COL12A1: variants seen among roughly 807,000 people sequenced by gnomAD.
COL12A1 encodes the protein collagen alpha-1(XII) chain.
A neutral mutation model predicts 349.7 loss-of-function variants in COL12A1; 114 were observed. The observed-to-expected ratio is 0.33, with a 90% CI of 0.28 to 0.38. The LOEUF (loss-of-function observed/expected upper bound fraction) is 0.38, where lower values mean the gene tolerates loss of function less well. Ranked by LOEUF, COL12A1 falls within the 10% of genes least tolerant of loss-of-function variation. The pLI is 1.00. For missense variants in COL12A1, 3,284 were observed against 3,756.9 expected, an observed-to-expected ratio of 0.87 and a Z score of 3.29; for synonymous variants, 1,369 against 1,329.0, an observed-to-expected ratio of 1.03 and a Z score of -0.66.
Position 75,181,132 on chromosome 6 carries a change from T to G in COL12A1, c.1971A>C (p.Glu657Asp), listed in dbSNP as rs758146130. 296 of 1,613,890 alleles carry G rather than the reference T, an allele frequency of 1.8e-4. 2 individuals are homozygous for G. Among genetic ancestry groups the G allele is most frequent in the Middle Eastern group, 1.5e-3 (9 of 6,084 alleles). Reference protein sequence around the residue: ...GFKTNWSPAGENVFSYHITYK... With the variant: ...GFKTNWSPAGDNVFSYHITYK... The stretch of plus-strand genomic sequence containing the variant: ...AGGTGATGTGATATGAAAAAACATT[T>G]TCTCCAGCTGGAGACCAGTTGGTTT... Residue 657 changes from glutamate to aspartate, a missense_variant, in exon 11 of 66, where the codon GAA (glutamate) becomes GAC (aspartate). By Grantham distance (45) the Glu-to-Asp change is conservative (BLOSUM62 2). Coordinates refer to ENST00000322507, the MANE Select transcript of COL12A1 (RefSeq NM_004370.6).
At chr6:75,205,578 C>T (rs1490952513) in intron 1 of COL12A1, among the ~76,000 whole-genome samples, 199 bp downstream of exon 1, 1 of 152,170 alleles carries the variant, frequency 6.6e-6, no homozygotes, top group Admixed American at 6.5e-5. Flanking sequence ...CAACATTCCC[C>T]TCTCCCTCAA....
intron 21 of COL12A1, 22 bp downstream of exon 21, chr6:75,151,119 A>G: frequency 8.0e-7 from 1 of 1,255,486 alleles, no homozygotes; most frequent in Non-Finnish European, 1.0e-6. Context: ...GCTGAGGGAG[A>G]GAAACTCTGG....
At chr6:75,198,274 G>A (rs1335583968) in intron 2 of COL12A1, among the ~76,000 whole-genome samples, 2 of 152,074 alleles carry the variant, frequency 1.3e-5, no homozygotes, top group Non-Finnish European at 2.9e-5. Context: ...CAATGACCTT[G>A]AGCAGTAGGA....
In COL12A1 at chr6:75,189,830, A is replaced by C; in HGVS notation, c.395-15T>G. 1 of 1,607,422 alleles carries C rather than the reference A, an allele frequency of 6.2e-7. No homozygotes were observed. Among genetic ancestry groups the C allele is most frequent in the Non-Finnish European group, 8.5e-7 (1 of 1,175,922 alleles). On this transcript the variant is annotated splice_polypyrimidine_tract_variant and intron_variant, in intron 5 of 65. Coordinates refer to ENST00000322507, the MANE Select transcript of COL12A1 (RefSeq NM_004370.6). ...GACAGAGCATTCTGAAATACATTTG[A>C]TATCTTTTTAAATGATGCTTTATTA...
chr6:75,163,211 A>T (rs1768110128), intron 14 of COL12A1, among the ~76,000 whole-genome samples: 1 of 152,188 alleles, frequency 6.6e-6, no homozygotes. Context: ...ACACAAGCAC[A>T]CGTATGTTTA....
At chr6:75,105,078 A>G in intron 54 of COL12A1, 128 bp downstream of exon 54, 1 of 632,596 alleles carries the variant, frequency 1.6e-6, no homozygotes, top group Non-Finnish European at 2.7e-6. Context: ...GATGGTCTGC[A>G]ATTTAGCTTG....
At chr6:75,141,104 A>G (rs1458165412) in intron 27 of COL12A1, among the ~76,000 whole-genome samples, 1 of 152,124 alleles carries the variant, frequency 6.6e-6, no homozygotes, top group Non-Finnish European at 1.5e-5. Context: ...TCATCCATCT[A>G]TTTTTGCCTT....
chr6:75,095,645 AAAAAAAG>A (rs1216739709), intron 59 of COL12A1, among the ~76,000 whole-genome samples: 10 of 150,376 alleles, frequency 6.7e-5, no homozygotes, highest in African/African-American at 2.4e-4. Flanking sequence ...AAAAAAAAAA[AAAAAAAG>A]ATAACATGAA....
At chr6:75,118,257 T>G (rs1421092434) in intron 46 of COL12A1, among the ~76,000 whole-genome samples, 1 of 152,192 alleles carries the variant, frequency 6.6e-6, no homozygotes. Flanking sequence ...CAATACATTT[T>G]ATAAAAGATC....
At position 75,146,308 on chromosome 6, in the gene COL12A1, G is replaced by A; in HGVS notation, c.4418-64C>T. 3 of 1,469,720 alleles carry A rather than the reference G, an allele frequency of 2.0e-6. No individual in the cohort carries two copies. In the South Asian group the frequency reaches 4.4e-5, roughly 21 times the overall value. 91.0% of individuals were successfully genotyped at this position (1,469,720 alleles called of 1,614,324 possible). ...TTCATTCCACTCATTTTTAACCATT[G>A]TTTTGTACTCAATTATTGATATTTG... On this transcript the variant is annotated intron_variant, in intron 23 of 65. Transcript: ENST00000322507.
In COL12A1 at chr6:75,138,494, A is replaced by G. The variant is rs767349975; in HGVS notation, c.5184T>C (p.Tyr1728=). The part of the protein sequence containing the change: ...TIYEVSITAI[Y]PDESESDDLI... ...GGTCATCACTTTCTGACTCATCAGGATAGATGGCAGTAATGGAAACTTCAT... is the reference window on the plus strand; with the variant it reads ...GGTCATCACTTTCTGACTCATCAGGGTAGATGGCAGTAATGGAAACTTCAT... Residue 1728 remains tyrosine (Y), a synonymous_variant, in exon 29 of 66, where the codon TAT becomes TAC. Coordinates refer to ENST00000322507, the MANE Select transcript of COL12A1 (RefSeq NM_004370.6). 1.2e-5 allele frequency: 20 copies of G among 1,613,984 alleles called. No homozygotes were observed. The highest frequency in any genetic ancestry group is 4.5e-5 in the East Asian group (2 of 44,872).
chr6:75,161,916 A>G (rs960437162), intron 14 of COL12A1, among the ~76,000 whole-genome samples: 2 of 152,206 alleles, frequency 1.3e-5, no homozygotes, highest in African/African-American at 4.8e-5. Flanking sequence ...CTACAAAGAG[A>G]ATAAAATACC....
rs367586669 is a variant in COL12A1, at chr6:75,202,153, CCAT to C, written c.73+564_73+566del. Reference sequence around the variant, plus strand: ...GGGGTCCCGGATCTCCGCTTGCCTGCCATCATCCCCCAGGCTGCTTGGCTGCTG... The same window carrying C: ...GGGGTCCCGGATCTCCGCTTGCCTGCCATCCCCCAGGCTGCTTGGCTGCTG... On this transcript the variant is annotated intron_variant, in intron 2 of 65. Coordinates refer to ENST00000322507, the MANE Select transcript of COL12A1 (RefSeq NM_004370.6). 3.2e-4 allele frequency among the ~76,000 whole-genome samples: 48 copies of C among 152,360 alleles called. No homozygotes were observed. The East Asian group carries it at 9.1e-3, about 29-fold the overall frequency.
chr6:75,154,508 A>C lies in COL12A1; in HGVS notation c.3473T>G (p.Phe1158Cys). The C allele has an allele frequency of 6.2e-7, 1 of 1,609,206 alleles. No homozygotes were observed. Among genetic ancestry groups the C allele is most frequent in the Non-Finnish European group, 8.5e-7 (1 of 1,176,872 alleles). ...GCTTTCTCCTCCATCAAACATTCCA[A>C]AAACATTTACTTTATAGGTGGTACC... ...RAGTTYKVNV[F>C]GMFDGGESSP... The change falls in exon 17 of 66, where the codon TTT becomes TGT. Residue 1158 changes from phenylalanine to cysteine, a missense_variant. Around this residue, in one of 2 missense-constraint regions of COL12A1, gnomAD observed 2,601 missense variants for 2,824.8 expected, o/e 0.92. Coordinates refer to ENST00000322507, the MANE Select transcript of COL12A1 (RefSeq NM_004370.6).
Position 75,175,300 on chromosome 6 carries a change from A to G in COL12A1, c.2448T>C (p.Asn816=). ...GGTCAGAAACTCTTAAGTCTCTTGG[A>G]TTCCCTCTAACTTCATTAAAAAATG... ...GNAATEEVRG[N]PRDLRVSDPT... is the part of the protein sequence containing the mutation. Residue 816 remains asparagine (N), a synonymous_variant, in exon 13 of 66, where the codon AAT becomes AAC. Coordinates refer to ENST00000322507, the MANE Select transcript of COL12A1 (RefSeq NM_004370.6). 6.2e-7 allele frequency: 1 copy of G among 1,613,832 alleles called. No homozygotes were observed.
intron 8 of COL12A1, among the ~76,000 whole-genome samples, chr6:75,185,398 C>T (rs1038618646): frequency 2.6e-4 from 40 of 152,030 alleles, no homozygotes; most frequent in Admixed American, 1.0e-3. Context: ...GAATAAAATA[C>T]CTAGGAATAC....
In COL12A1 at chr6:75,097,337, G is replaced by C. The variant is rs942767876; in HGVS notation, c.8524-31C>G. On this transcript the variant is annotated intron_variant, in intron 58 of 65. Transcript: ENST00000322507. ...GTAAAAATGAAAGTAATTACAGTTA[G>C]GGAGGTCATAAGCAAGTGAAAAGAA... 7.6e-6 allele frequency: 12 copies of C among 1,588,310 alleles called. No individual in the cohort carries two copies. The African/African-American group carries it at 1.6e-4, about 21-fold the overall frequency.
intron 60 of COL12A1, among the ~76,000 whole-genome samples, chr6:75,094,389 T>A (rs1013856767): frequency 1.3e-5 from 2 of 152,144 alleles, no homozygotes; most frequent in Non-Finnish European, 2.9e-5. Flanking sequence ...AAATTCACAC[T>A]TCATAAATAC....
chr6:75,137,443 C>T lies in COL12A1; in HGVS notation c.5388G>A (p.Glu1796=), dbSNP rs1479706901. 17 of 1,589,996 alleles carry T rather than the reference C, an allele frequency of 1.1e-5. No homozygotes were observed. Among genetic ancestry groups the T allele is most frequent in the African/African-American group, 9.6e-5 (7 of 73,296 alleles). The change falls in exon 31 of 66, where the codon GAG becomes GAA. Residue 1796 remains glutamate, a synonymous_variant. Transcript: ENST00000322507. ...ATTTTTATTAAAAAATTACCGTTTG[C>T]TCATTGCCTTCCCCTGTGGAAGGCT... ...TYQPSTGEGN[E]QTTTIGGRQN...
Sources: gnomAD v4.1 joint callset for allele counts (sites outside exome capture counted in the v4.1 genomes callset) on GRCh38, gnomAD v4.1.1 for gene constraint, gnomAD v4.1.1 regional missense constraint, MANE v1.5 for transcripts, NCBI Gene and HGNC (gene_info 2026-07-23, HGNC 2026-07-21) for gene names.